The following JARID2 variants were observed in gnomAD, a reference collection of about 807,000 sequenced individuals.
JARID2 encodes protein Jumonji.
JARID2 carries 21 observed loss-of-function variants against 125.6 expected under a neutral mutation model. That is an observed-to-expected ratio of 0.17 (90% CI 0.12 to 0.24). JARID2 has a LOEUF of 0.24. JARID2 is among the 10% of genes least tolerant of loss of function. The pLI, the probability that JARID2 is intolerant of heterozygous loss-of-function variation, is 1.00. For missense variants in JARID2, 1,303 were observed against 1,639.6 expected (o/e 0.79, Z 3.55); for synonymous variants, 736 against 661.6 (o/e 1.11, Z -1.73).
chr6:15,361,649 C>A (rs1057203619), intron 1 of JARID2, among the ~76,000 whole-genome samples: 5 of 151,974 alleles, frequency 3.3e-5, no homozygotes, highest in Non-Finnish European at 7.4e-5. Flanking sequence ...TGGGGTCAGT[C>A]CTCATGGCTT....
Position 15,512,903 on chromosome 6 carries a change from C to T in JARID2, c.3136-12C>T. Reference sequence around the variant, plus strand: ...GAAAATCCACCCTAAAGGGATGTGACTCCTCTTTCAGGAAATGAAGCGTCG... The same window carrying T: ...GAAAATCCACCCTAAAGGGATGTGATTCCTCTTTCAGGAAATGAAGCGTCG... On this transcript the variant is annotated splice_polypyrimidine_tract_variant and intron_variant, in intron 14 of 17. Transcript: ENST00000341776. 6.2e-7 allele frequency: 1 copy of T among 1,613,404 alleles called. No individual in the cohort carries two copies. Among genetic ancestry groups the T allele is most frequent in the South Asian group, 1.1e-5 (1 of 91,056 alleles).
At chr6:15,413,955 A>G (rs1766015503) in intron 3 of JARID2, among the ~76,000 whole-genome samples, 2 of 152,290 alleles carry the variant, frequency 1.3e-5, no homozygotes, top group South Asian at 4.1e-4. Flanking sequence ...GCAGGGTCAT[A>G]ATTTATGTAT....
At chr6:15,401,323 T>G (rs1165731738) in intron 2 of JARID2, among the ~76,000 whole-genome samples, 2 of 152,240 alleles carry the variant, frequency 1.3e-5, no homozygotes. Flanking sequence ...TTAAGCTCTG[T>G]TGACCATTTT....
At chr6:15,355,771 C>T (rs1485633418) in intron 1 of JARID2, among the ~76,000 whole-genome samples, 1 of 152,176 alleles carries the variant, frequency 6.6e-6, no homozygotes, top group Non-Finnish European at 1.5e-5. Context: ...GCCACCACGC[C>T]TGGCTAATTT....
intron 5 of JARID2, among the ~76,000 whole-genome samples, chr6:15,485,023 C>G (rs1039012778): frequency 1.3e-5 from 2 of 152,144 alleles, no homozygotes; most frequent in Non-Finnish European, 2.9e-5. Context: ...TGAAAGCTAG[C>G]ACAGATACTG....
intron 2 of JARID2, among the ~76,000 whole-genome samples, chr6:15,408,620 T>C (rs1004257516): frequency 2.4e-4 from 36 of 152,232 alleles, no homozygotes; most frequent in African/African-American, 8.4e-4. Flanking sequence ...GTTAATATAT[T>C]TGATTTAATC....
chr6:15,365,475 TG>T (rs1373633840), intron 1 of JARID2, among the ~76,000 whole-genome samples: 1 of 152,186 alleles, frequency 6.6e-6, no homozygotes, highest in Non-Finnish European at 1.5e-5. Flanking sequence ...ATGTCTGACA[TG>T]CTCAGACGCA....
At chr6:15,361,515 C>G (rs950541379) in intron 1 of JARID2, among the ~76,000 whole-genome samples, 4 of 152,150 alleles carry the variant, frequency 2.6e-5, no homozygotes, top group African/African-American at 9.7e-5. Flanking sequence ...TGTATGATTG[C>G]AAACTGTAAG....
chr6:15,488,913 G>A (rs893396682), intron 6 of JARID2, among the ~76,000 whole-genome samples: 35 of 152,094 alleles, frequency 2.3e-4, no homozygotes, highest in Non-Finnish European at 1.0e-4. Flanking sequence ...CTCACCTGGC[G>A]TCTCTTAACC....
At chr6:15,431,780 G>T (rs1294487716) in intron 3 of JARID2, among the ~76,000 whole-genome samples, 1 of 152,188 alleles carries the variant, frequency 6.6e-6, no homozygotes, top group East Asian at 1.9e-4. Flanking sequence ...TCTGTCTCCA[G>T]TGTTGTCCCT....
intron 1 of JARID2, among the ~76,000 whole-genome samples, chr6:15,279,422 A>G (rs1281918147): frequency 6.6e-6 from 1 of 152,126 alleles, no homozygotes; most frequent in Admixed American, 6.6e-5. Context: ...TCATATGTGT[A>G]TGGATTTACA....
At chr6:15,480,667 C>T (rs2049951) in intron 5 of JARID2, among the ~76,000 whole-genome samples, 120,587 of 152,156 alleles carry the variant, frequency 0.79, 47,849 homozygotes, top group African/African-American at 0.84. Flanking sequence ...TATATTTGCG[C>T]AACTCCTTTC....
intron 3 of JARID2, 137 bp from the exon 4 acceptor site, chr6:15,451,869 A>G (rs1767935242): frequency 7.1e-6 from 6 of 842,618 alleles, no homozygotes; most frequent in Non-Finnish European, 1.1e-5. Context: ...TGTGAGAGAT[A>G]TAGAACCTTA....
chr6:15,521,560 T>C lies in JARID2; in HGVS notation c.*1309T>C, dbSNP rs1771854268. 1.3e-5 allele frequency: 2 copies of C among 152,162 alleles called. No homozygotes were observed. Among genetic ancestry groups the C allele is most frequent in the East Asian group, 3.8e-4 (2 of 5,202 alleles). 9.4% of individuals were successfully genotyped at this position (152,162 alleles called of 1,614,324 possible). On this transcript the variant is annotated 3_prime_UTR_variant, in exon 18 of 18. Transcript: ENST00000341776. ...TCACTGAACAACAACAAAAAAATAA[T>C]AATGGAGTAGCTGTTGCCCTTCTCC...
chr6:15,385,263 T>C (rs147345630), intron 2 of JARID2, among the ~76,000 whole-genome samples: 3 of 152,274 alleles, frequency 2.0e-5, no homozygotes, highest in Non-Finnish European at 4.4e-5. Flanking sequence ...TTCTGGTATC[T>C]ATGTGACTTG....
At chr6:15,507,052 G>A (rs1032137447) in intron 9 of JARID2, 84 bp from the exon 10 acceptor site, 5 of 825,564 alleles carry the variant, frequency 6.1e-6, no homozygotes, top group East Asian at 4.9e-5. Flanking sequence ...CCAGGCATTC[G>A]TGTCCCAGTT....
chr6:15,384,460 C>A (rs541000307), intron 2 of JARID2, among the ~76,000 whole-genome samples: 1 of 151,576 alleles, frequency 6.6e-6, no homozygotes, highest in African/African-American at 2.4e-5. Flanking sequence ...TTCTGTTGTC[C>A]GCTTGCCCCT....
chr6:15,387,258 T>C (rs1764822245), intron 2 of JARID2, among the ~76,000 whole-genome samples: 2 of 152,208 alleles, frequency 1.3e-5, no homozygotes, highest in Admixed American at 1.3e-4. Flanking sequence ...TGTGGTGGGA[T>C]AGGATTGCTA....
intron 1 of JARID2, among the ~76,000 whole-genome samples, chr6:15,284,222 C>T (rs867242179): frequency 6.6e-6 from 1 of 152,316 alleles, no homozygotes; most frequent in Non-Finnish European, 1.5e-5. Flanking sequence ...TCACCCTACC[C>T]ACTAAATTGA....
Sources: gnomAD v4.1 joint callset for allele counts (sites outside exome capture counted in the v4.1 genomes callset) on GRCh38, gnomAD v4.1.1 for gene constraint, MANE v1.5 for transcripts, NCBI Gene and HGNC (gene_info 2026-07-23, HGNC 2026-07-21) for gene names.